The following MTCL1 variants were observed in gnomAD, a reference collection of about 807,000 sequenced individuals.
MTCL1 encodes microtubule crosslinking factor 1.
Under a neutral mutation model 141.4 loss-of-function variants are expected in MTCL1, and 79 were observed. The ratio of observed to expected loss-of-function variants is 0.56; its 90% CI spans 0.47 to 0.67. The LOEUF is 0.67. Ranked by LOEUF, MTCL1 falls within the 30% of genes least tolerant of loss-of-function variation. The pLI, the probability that MTCL1 is intolerant of heterozygous loss-of-function variation, is 0.00. For synonymous variants in MTCL1, 914 were observed against 875.8 expected, an observed-to-expected ratio of 1.04 and a Z score of -0.77; for missense variants, 2,177 against 2,113.9, an observed-to-expected ratio of 1.03 and a Z score of -0.59.
chr18:8,794,802 C>T (rs906058710), intron 8 of MTCL1, among the ~76,000 whole-genome samples: 3 of 152,218 alleles, frequency 2.0e-5, no homozygotes, highest in Non-Finnish European at 4.4e-5. Context: ...AGACCAGAGA[C>T]CAGACCTCCC....
chr18:8,737,117 C>G (rs2096278393), intron 4 of MTCL1, among the ~76,000 whole-genome samples: 1 of 152,176 alleles, frequency 6.6e-6, no homozygotes, highest in Admixed American at 6.5e-5. Flanking sequence ...TGGATATTGC[C>G]TGTAACTCTG....
exon 5 of MTCL1, chr18:8,777,849 G>T: frequency 6.2e-7 from 1 of 1,613,890 alleles, no homozygotes; most frequent in Non-Finnish European, 8.5e-7. Flanking sequence ...CTAAAAAGAA[G>T]AAGCACTCGG....
chr18:8,820,748 C>T (rs2076819165), intron 13 of MTCL1, among the ~76,000 whole-genome samples: 1 of 152,288 alleles, frequency 6.6e-6, no homozygotes, highest in Middle Eastern at 3.4e-3. Flanking sequence ...AGACAAGGGG[C>T]ATGCTCATTA....
chr18:8,774,449 C>T (rs1368997799), intron 4 of MTCL1, among the ~76,000 whole-genome samples: 2 of 71,976 alleles, frequency 2.8e-5, no homozygotes, highest in Non-Finnish European at 5.5e-5. Context: ...TCTGGTCTTT[C>T]TTTCTTTTCT....
chr18:8,710,735 G>C (rs2096083852), intron 1 of MTCL1, among the ~76,000 whole-genome samples: 1 of 151,106 alleles, frequency 6.6e-6, no homozygotes, highest in Admixed American at 6.6e-5. Flanking sequence ...AGCAATAAAT[G>C]GGGGCAGGGA....
chr18:8,814,532 C>T (rs1227079596), intron 12 of MTCL1, among the ~76,000 whole-genome samples: 1 of 152,192 alleles, frequency 6.6e-6, no homozygotes, highest in Non-Finnish European at 1.5e-5. Context: ...ATTAAATCTC[C>T]TGTGTATGTC....
chr18:8,722,751 T>C (rs1221774225), intron 4 of MTCL1, among the ~76,000 whole-genome samples: 6 of 152,196 alleles, frequency 3.9e-5, no homozygotes, highest in Non-Finnish European at 7.3e-5. Flanking sequence ...TAAGTGGACT[T>C]TCACAGTTCA....
At chr18:8,831,212 T>A (rs1192008528) in intron 16 of MTCL1, 26 of 1,023,656 alleles carry the variant, frequency 2.5e-5, no homozygotes, top group Non-Finnish European at 2.7e-5. Context: ...TTGTCCACTG[T>A]AGCTAAATAG....
At chr18:8,813,448 G>A (rs1256274445) in intron 12 of MTCL1, among the ~76,000 whole-genome samples, 1 of 142,968 alleles carries the variant, frequency 7.0e-6, no homozygotes, top group Non-Finnish European at 1.5e-5. Flanking sequence ...AAGTTCATAG[G>A]TAACTCTCCT....
At chr18:8,784,095 C>T (rs1015484517) in exon 6 of MTCL1, 4 of 1,613,180 alleles carry the variant, frequency 2.5e-6, no homozygotes, top group Non-Finnish European at 3.4e-6. Context: ...AGTCCTGGTG[C>T]CGGGGGTGGG....
intron 7 of MTCL1, among the ~76,000 whole-genome samples, chr18:8,791,395 C>G (rs1250666316): frequency 6.6e-6 from 1 of 150,792 alleles, no homozygotes; most frequent in Non-Finnish European, 1.5e-5. Context: ...CTCCACCAAA[C>G]AGGAAACCAA....
Position 8,711,716 on chromosome 18 carries a change from C to T in MTCL1, c.1053+5003C>T, listed in dbSNP as rs567683628. Among the ~76,000 whole-genome samples, 142 of 150,758 alleles carry T rather than the reference C, an allele frequency of 9.4e-4. 1 individual carries two copies. The highest frequency in any genetic ancestry group is 1.0e-3 in the Non-Finnish European group (69 of 67,680). ...TTGAGAAGTGTCTGTTCATGTCCTT[C>T]GCCCACTTTTTGATGGGGTTGTTTG... On this transcript the variant is annotated intron_variant, in intron 1 of 13. Transcript: ENST00000306329.
intron 4 of MTCL1, among the ~76,000 whole-genome samples, chr18:8,740,386 C>T (rs1180122058): frequency 6.6e-6 from 1 of 152,204 alleles, no homozygotes; most frequent in African/African-American, 2.4e-5. Flanking sequence ...TTGTATGTTA[C>T]AGCCCTGTGA....
chr18:8,716,569 A>ATTTTTTTTTTTTTTTT (rs138840096), upstream of MTCL1, among the ~76,000 whole-genome samples: 3 of 103,892 alleles, frequency 2.9e-5, no homozygotes, highest in South Asian at 3.2e-4. Context: ...CTTTTTGTTC[A>ATTTTTTTTTTTTTTTT]TTTTTTTTTT....
exon 17 of MTCL1, chr18:8,832,260 C>T (rs749275078): frequency 8.0e-5 from 14 of 175,864 alleles, no homozygotes; most frequent in Non-Finnish European, 1.2e-4. Context: ...GTCAGTGTTA[C>T]TGTTTTTTAC....
At chr18:8,725,370 T>C (rs144118864) in intron 4 of MTCL1, among the ~76,000 whole-genome samples, 2 of 152,366 alleles carry the variant, frequency 1.3e-5, no homozygotes, top group African/African-American at 4.8e-5. Context: ...TAATGATTCC[T>C]GTGTGCTTGA....
rs1209222557 is a variant in MTCL1, at chr18:8,822,487, C to T, written c.3188+989C>T. On this transcript the variant is annotated intron_variant, in intron 14 of 16. Transcript: ENST00000359865. This position sits in a 1 kb window ranked among gnomAD's most constrained non-coding sequence, Gnocchi z 4.6. ...TTGTCTTTTAATAGAAACAGAGTTT[C>T]GCCATGTTGGCCAGGCTGGTCTCGA... Among the ~76,000 whole-genome samples the T allele has an allele frequency of 1.3e-5, 2 of 152,134 alleles. No homozygotes were observed. Among genetic ancestry groups the T allele is most frequent in the Non-Finnish European group, 2.9e-5 (2 of 68,020 alleles).
At chr18:8,765,721 G>A (rs1235536356) in intron 4 of MTCL1, among the ~76,000 whole-genome samples, 4 of 152,276 alleles carry the variant, frequency 2.6e-5, no homozygotes, top group Non-Finnish European at 4.4e-5. Flanking sequence ...TAATAAAATC[G>A]AGAACCGAAG....
At chr18:8,802,957 G>A (rs470450) in intron 10 of MTCL1, among the ~76,000 whole-genome samples, 88,585 of 151,982 alleles carry the variant, frequency 0.58, 27,519 homozygotes, top group Non-Finnish European at 0.7. Context: ...CAATGGAACC[G>A]AGTCTTAATT....
Sources: allele counts gnomAD v4.1 joint callset (sites outside exome capture counted in the v4.1 genomes callset), GRCh38; gene constraint gnomAD v4.1.1; non-coding constraint Gnocchi (gnomAD v3.1); transcripts MANE v1.5; gene names NCBI Gene and HGNC (gene_info 2026-07-23, HGNC 2026-07-21).